Variants in CALD1 observed in about 807,000 individuals in gnomAD.
CALD1 encodes caldesmon 1, also known as caldesmon.
CALD1 carries 33 observed loss-of-function variants against 99.9 expected under a neutral mutation model. The observed-to-expected ratio is 0.33, with a 90% CI of 0.25 to 0.44. CALD1 has a LOEUF of 0.44. CALD1 is among the 20% of genes least tolerant of loss of function. CALD1 has a pLI of 1.00. For missense variants in CALD1, 861 were observed against 962.1 expected, an observed-to-expected ratio of 0.89 and a Z score of 1.39; for synonymous variants, 310 against 325.0, an observed-to-expected ratio of 0.95 and a Z score of 0.50.
chr7:134,909,692 A>C (rs937536343), intron 3 of CALD1, among the ~76,000 whole-genome samples: 1 of 150,962 alleles, frequency 6.6e-6, no homozygotes, highest in South Asian at 2.1e-4. Context: ...ACGCAGTCTC[A>C]AAAAAAAAGG....
chr7:134,855,719 C>T (rs575663772), intron 2 of CALD1, among the ~76,000 whole-genome samples: 1 of 152,224 alleles, frequency 6.6e-6, no homozygotes, highest in East Asian at 1.9e-4. Context: ...TTACTTAATA[C>T]AAAATTGCTT....
At chr7:134,786,834 A>G (rs955161911) in intron 1 of CALD1, among the ~76,000 whole-genome samples, 10 of 152,332 alleles carry the variant, frequency 6.6e-5, no homozygotes, top group Non-Finnish European at 8.8e-5. Flanking sequence ...AGGTTATACA[A>G]TGCTGCCCAA....
At chr7:134,741,313 T>C (rs141493647), upstream of CALD1, among the ~76,000 whole-genome samples, 366 of 152,228 alleles carry the variant, frequency 2.4e-3, 1 homozygote, top group African/African-American at 8.2e-3. Context: ...AAGCCCCTTA[T>C]AAAACTATCG....
intron 2 of CALD1, among the ~76,000 whole-genome samples, chr7:134,846,771 A>G (rs1434003028): frequency 4.6e-5 from 7 of 152,150 alleles, no homozygotes; most frequent in Non-Finnish European, 7.4e-5. Context: ...TTAAATGTAC[A>G]TTGAGATACC....
chr7:134,892,602 C>T (rs1802284872), intron 3 of CALD1, among the ~76,000 whole-genome samples: 1 of 152,134 alleles, frequency 6.6e-6, no homozygotes, highest in Admixed American at 6.5e-5. Flanking sequence ...AAACAAGACC[C>T]ATGTCCATTA....
intron 1 of CALD1, among the ~76,000 whole-genome samples, chr7:134,790,955 G>C (rs1464164250): frequency 6.6e-6 from 1 of 152,230 alleles, no homozygotes; most frequent in African/African-American, 2.4e-5. Context: ...AAAAGGCCAA[G>C]ACAGAGCTGC....
intron 13 of CALD1, among the ~76,000 whole-genome samples, chr7:134,965,028 A>C (rs1808563537): frequency 6.6e-6 from 1 of 152,196 alleles, no homozygotes; most frequent in African/African-American, 2.4e-5. Context: ...AGACAGGAGA[A>C]TCACTTGAAA....
At chr7:134,725,705 AAG>A in the CALD1 span, among the ~76,000 whole-genome samples, 2 of 152,238 alleles carry the variant, frequency 1.3e-5, no homozygotes, top group East Asian at 3.8e-4. Flanking sequence ...TATTTGAAAA[AAG>A]AGTCTTTACT....
the CALD1 span, among the ~76,000 whole-genome samples, chr7:134,734,182 A>G: frequency 6.6e-6 from 1 of 152,198 alleles, no homozygotes; most frequent in Non-Finnish European, 1.5e-5. Flanking sequence ...TTGGGTATCC[A>G]GAGGCTATCA....
intron 1 of CALD1, among the ~76,000 whole-genome samples, chr7:134,765,512 T>C (rs533603378): frequency 2.6e-5 from 4 of 152,192 alleles, no homozygotes; most frequent in African/African-American, 9.7e-5. Flanking sequence ...GCCCCACTAC[T>C]GCACTTATGC....
intron 1 of CALD1, among the ~76,000 whole-genome samples, chr7:134,827,946 A>G (rs1401174044): frequency 6.6e-6 from 1 of 152,156 alleles, no homozygotes; most frequent in East Asian, 1.9e-4. Context: ...AGCAGCTTGT[A>G]TTTATTCATC....
rs759761507 is a variant in CALD1 at position 134,891,632 on chromosome 7, A to G, written c.71+23828A>G. The G allele has an allele frequency of 1.9e-6, 3 of 1,609,262 alleles. No homozygotes were observed. The African/African-American group carries it at 4.0e-5, about 22-fold the overall frequency. On this transcript the variant is annotated intron_variant, in intron 3 of 14. Coordinates refer to ENST00000361675, the MANE Select transcript of CALD1 (RefSeq NM_033138.4). ...TCCCAACTGCGGACATGCTGGGTGG[A>G]TCCGGATCGCATGGAAGACGCAGCC...
chr7:134,756,300 T>G (rs1163885420), intron 1 of CALD1, among the ~76,000 whole-genome samples: 4 of 144,790 alleles, frequency 2.8e-5, no homozygotes, highest in African/African-American at 1.0e-4. Context: ...AACTAAAAAT[T>G]AAAAAAAACC....
intron 2 of CALD1, among the ~76,000 whole-genome samples, chr7:134,866,125 G>A (rs937853455): frequency 2.6e-4 from 39 of 152,176 alleles, no homozygotes; most frequent in African/African-American, 9.2e-4. Context: ...CTCCTGCCCT[G>A]TGGTCAGAAC....
intron 1 of CALD1, among the ~76,000 whole-genome samples, chr7:134,838,258 G>A (rs1422450963): frequency 6.6e-6 from 1 of 152,028 alleles, no homozygotes; most frequent in East Asian, 1.9e-4. Context: ...AAAATCAAGA[G>A]ATTCTCATAC....
In CALD1 at chr7:134,935,733, CAAG is replaced by C. The variant is rs770977933; in HGVS notation, c.1359_1361del (p.Glu453del). On this transcript the variant is annotated inframe_deletion, in exon 6 of 15. Transcript: ENST00000361675. Reference sequence around the variant, plus strand: ...AGTGCAAGCTAAAAGAGAAAAGCTCCAAGAAGACAAGCCTACCTTCAAAAAAGA... The same window carrying C: ...AGTGCAAGCTAAAAGAGAAAAGCTCCAAGACAAGCCTACCTTCAAAAAAGA... 5.6e-6 allele frequency: 9 copies of C among 1,600,586 alleles called. No homozygotes were observed. The highest frequency in any genetic ancestry group is 4.0e-5 in the African/African-American group (3 of 74,194).
intron 3 of CALD1, among the ~76,000 whole-genome samples, chr7:134,879,406 T>A (rs1014507502): frequency 6.6e-6 from 1 of 152,274 alleles, no homozygotes; most frequent in Admixed American, 6.5e-5. Context: ...TAGCCTATCC[T>A]AAACCTGCAT....
At position 134,960,019 on chromosome 7, in the gene CALD1, C is replaced by T; in HGVS notation, c.2107C>T (p.Pro703Ser). Residue 703 changes from proline (P) to serine (S), a missense_variant, in exon 12 of 15, where the codon CCT becomes TCT. By Grantham distance (74) the Pro-to-Ser change is moderately conservative. Around this residue, in one of 5 missense-constraint regions of CALD1, gnomAD observed 190 missense variants for 249.0 expected, o/e 0.76. Transcript: ENST00000361675. ...KPTKPAASDL[P>S]VPAEGVRNIK... is the part of the protein sequence containing the mutation. ...TACAAAGCCGGCAGCCTCGGATCTT[C>T]CTGTTCCTGCTGAAGGTGTACGCAA... 5.6e-6 allele frequency: 9 copies of T among 1,614,164 alleles called. No homozygotes were observed. The highest frequency in any genetic ancestry group is 7.6e-6 in the Non-Finnish European group (9 of 1,180,022).
In CALD1 at chr7:134,888,956, A is replaced by G. The variant is rs560424494; in HGVS notation, c.71+21152A>G. Among the ~76,000 whole-genome samples the G allele has an allele frequency of 7.3e-5, 11 of 151,574 alleles. No individual in the cohort carries two copies. In the South Asian group the frequency reaches 2.3e-3, roughly 32 times the overall value. ...AAATTCTTGCTCTCCTCCATGGAGA[A>G]TACTGGCCAGAAAGAACCACAATTT... On this transcript the variant is annotated intron_variant, in intron 3 of 14. Transcript: ENST00000361675.
Sources: allele counts gnomAD v4.1 joint callset (sites outside exome capture counted in the v4.1 genomes callset), GRCh38; gene constraint gnomAD v4.1.1; regional missense constraint gnomAD v4.1.1; transcripts MANE v1.5; gene names NCBI Gene and HGNC (gene_info 2026-07-23, HGNC 2026-07-21).